The following MATR3 variants were observed in gnomAD, a reference collection of about 807,000 sequenced individuals.
The protein encoded by MATR3 is matrin 3.
MATR3 carries 4 observed loss-of-function variants against 85.5 expected under a neutral mutation model. That is an observed-to-expected ratio of 0.05 (90% CI 0.02 to 0.11). MATR3 has a LOEUF of 0.11. Among genes scored for constraint, MATR3 ranks in the 10% least tolerant of loss-of-function variants. The pLI is 1.00. For synonymous variants in MATR3, 336 were observed against 343.1 expected (o/e 0.98, Z 0.23); for missense variants, 685 against 1,016.1 (o/e 0.67, Z 4.43).
At chr5:139,303,587 AGCC>A (rs1754563436) in intron 1 of MATR3, among the ~76,000 whole-genome samples, 1 of 152,030 alleles carries the variant, frequency 6.6e-6, no homozygotes, top group Non-Finnish European at 1.5e-5. Context: ...AATGAAAACT[AGCC>A]GAGCATGGTG....
At chr5:139,302,172 G>A (rs1360468384) in intron 1 of MATR3, among the ~76,000 whole-genome samples, 11 of 151,868 alleles carry the variant, frequency 7.2e-5, no homozygotes, top group Admixed American at 4.6e-4. Context: ...CATGTTGGCC[G>A]GGCTGGTCTC....
chr5:139,309,782 A>G (rs1301459183), intron 2 of MATR3, among the ~76,000 whole-genome samples: 1 of 152,152 alleles, frequency 6.6e-6, no homozygotes, highest in African/African-American at 2.4e-5. Flanking sequence ...GATCAGCACT[A>G]AACTTTAAAT....
At chr5:139,311,609 T>C (rs1179686205) in intron 2 of MATR3, 2 of 152,192 alleles carry the variant, frequency 1.3e-5, no homozygotes, top group African/African-American at 4.8e-5. Context: ...TATGTACCCT[T>C]TCTAGCTCCT....
chr5:139,303,491 G>A (rs913407453), intron 1 of MATR3, among the ~76,000 whole-genome samples: 2 of 152,210 alleles, frequency 1.3e-5, no homozygotes, highest in South Asian at 4.1e-4. Flanking sequence ...TTAGCATTTT[G>A]GGAGGTCAAG....
At chr5:139,284,956 A>G (rs954816295) in intron 3 of MATR3, among the ~76,000 whole-genome samples, 5 of 152,194 alleles carry the variant, frequency 3.3e-5, no homozygotes, top group Admixed American at 1.3e-4. Context: ...GAATATCAAC[A>G]CTATTTACTA....
At chr5:139,306,365 A>G (rs1754707206) in intron 1 of MATR3, among the ~76,000 whole-genome samples, 1 of 152,138 alleles carries the variant, frequency 6.6e-6, no homozygotes, top group African/African-American at 2.4e-5. Context: ...TCTCATTTTC[A>G]TTTTTACCTG....
chr5:139,301,774 T>TG (rs764079295), intron 1 of MATR3, among the ~76,000 whole-genome samples: 1 of 152,248 alleles, frequency 6.6e-6, no homozygotes, highest in Non-Finnish European at 1.5e-5. Context: ...TCATCAATTC[T>TG]GTGTAGTTCT....
At chr5:139,326,016 T>C in intron 13 of MATR3, 147 bp from the exon 14 acceptor site, 1 of 722,522 alleles carries the variant, frequency 1.4e-6, no homozygotes, top group Non-Finnish European at 2.3e-6. Flanking sequence ...AAAAGCAAAA[T>C]ATGGTTCGGT....
At chr5:139,295,495 TATC>T (rs1243404147) in intron 1 of MATR3, among the ~76,000 whole-genome samples, 4 of 152,250 alleles carry the variant, frequency 2.6e-5, no homozygotes, top group African/African-American at 9.6e-5. Context: ...AGTTTCGCTT[TATC>T]ATCTTTATAT....
rs556444203 is a variant in MATR3, at chr5:139,294,864, C to T, written c.-178+1059C>T. 5 of 152,238 alleles carry T rather than the reference C, an allele frequency of 3.3e-5. No individual in the cohort carries two copies. The East Asian group carries it at 5.8e-4, about 18-fold the overall frequency. 9.4% of individuals were successfully genotyped at this position (152,238 alleles called of 1,614,324 possible). ...CTAGGTGTTTATCCTGCTCTGTGGC[C>T]CTGTTCTGTGGAATATTCCTATTGG... On this transcript the variant is annotated intron_variant, in intron 1 of 14. Transcript: ENST00000394805.
At chr5:139,288,295 TTTCTTTTGA>T (rs1753770919) in intron 3 of MATR3, among the ~76,000 whole-genome samples, 1 of 114,644 alleles carries the variant, frequency 8.7e-6, no homozygotes, top group Admixed American at 1.0e-4. Flanking sequence ...ACCTGTTATA[TTTCTTTTGA>T]ATCTCCCACA....
intron 1 of MATR3, among the ~76,000 whole-genome samples, chr5:139,300,653 T>C (rs575898795): frequency 6.6e-6 from 1 of 152,348 alleles, no homozygotes; most frequent in South Asian, 2.1e-4. Context: ...ATGTTTTATT[T>C]AGACTAATTT....
intron 3 of MATR3, chr5:139,279,132 A>G (rs2151862334): frequency 2.2e-6 from 1 of 454,286 alleles, no homozygotes; most frequent in African/African-American, 2.0e-5. Context: ...TAAGTAACGT[A>G]TGTAGTCTTC....
At chr5:139,278,576 A>G (rs538960882) in intron 2 of MATR3, 35 of 357,618 alleles carry the variant, frequency 9.8e-5, no homozygotes, top group Admixed American at 7.4e-4. Flanking sequence ...TCCCAATCGC[A>G]GTGCTTGGCA....
intron 3 of MATR3, chr5:139,282,785 GACAGCTTCTTAGACTTGTTTT>G (rs1255521390): frequency 6.6e-6 from 1 of 152,192 alleles, no homozygotes; most frequent in Non-Finnish European, 1.5e-5. Context: ...TGTTGGCCAT[GACAGCTTCTTAGACTTGTTTT>G]TAATGACCTT....
intron 13 of MATR3, 115 bp from the exon 14 acceptor site, chr5:139,326,048 G>C (rs954998627): frequency 1.0e-6 from 1 of 971,096 alleles, no homozygotes; most frequent in Non-Finnish European, 1.6e-6. Context: ...ATCTTAGGCT[G>C]TATTGGACTT....
In MATR3 at chr5:139,308,183, T is replaced by G; in HGVS notation, c.768T>G (p.Gly256=). The stretch of plus-strand genomic sequence containing the variant: ...GTGAGTATGAGAGAATGGGACGTGG[T>G]CCTGGCCCCTTACAAGAGAGATCTC... ...FDSEYERMGR[G]PGPLQERSLF... is the part of the protein sequence containing the mutation. The change falls in exon 2 of 15, where the codon GGT becomes GGG. Residue 256 remains glycine (G), a synonymous_variant. Transcript: ENST00000394805. The G allele has an allele frequency of 6.2e-7, 1 of 1,614,150 alleles. No individual in the cohort carries two copies. Among genetic ancestry groups the G allele is most frequent in the Non-Finnish European group, 8.5e-7 (1 of 1,180,014 alleles).
chr5:139,324,290 G>GTT (rs767660135), intron 12 of MATR3, among the ~76,000 whole-genome samples: 7,306 of 107,578 alleles, frequency 0.068, 497 homozygotes, highest in Middle Eastern at 0.099. Context: ...GAGCATGATT[G>GTT]TTTTTTTTTT....
At chr5:139,319,856 T>A (rs1309965557) in intron 9 of MATR3, among the ~76,000 whole-genome samples, 18 of 118,274 alleles carry the variant, frequency 1.5e-4, no homozygotes, top group East Asian at 2.4e-4. Flanking sequence ...AAAAAAAAAA[T>A]TTGCTTTTTT....
Sources: allele counts gnomAD v4.1 joint callset (sites outside exome capture counted in the v4.1 genomes callset), GRCh38; gene constraint gnomAD v4.1.1; transcripts MANE v1.5; gene names NCBI Gene and HGNC (gene_info 2026-07-23, HGNC 2026-07-21).